Variants in MAGI2 observed in about 807,000 individuals in gnomAD.
MAGI2 encodes the protein membrane associated guanylate kinase, WW and PDZ domain containing 2, also known as membrane-associated guanylate kinase, WW and PDZ domain-containing protein 2.
A neutral mutation model predicts 133.3 loss-of-function variants in MAGI2; 35 were observed. The ratio of observed to expected loss-of-function variants is 0.26; its 90% CI spans 0.20 to 0.35. The LOEUF (loss-of-function observed/expected upper bound fraction) is 0.35. MAGI2 is among the 10% of genes least tolerant of loss of function. The pLI is 1.00. For missense variants in MAGI2, 1,636 were observed against 1,863.4 expected (o/e 0.88, Z 2.25); for synonymous variants, 729 against 710.6 (o/e 1.03, Z -0.41).
intron 1 of MAGI2, among the ~76,000 whole-genome samples, chr7:79,047,409 G>A (rs961444293): frequency 1.3e-5 from 2 of 152,018 alleles, no homozygotes; most frequent in Non-Finnish European, 2.9e-5. Context: ...GTAACAGTAT[G>A]GACAAGTACA....
chr7:78,992,849 G>A (rs1345040621), intron 2 of MAGI2, among the ~76,000 whole-genome samples: 1 of 151,978 alleles, frequency 6.6e-6, no homozygotes, highest in Admixed American at 6.6e-5. Context: ...AGTGATGAAA[G>A]CATTTTACTT....
intron 3 of MAGI2, among the ~76,000 whole-genome samples, chr7:78,540,467 G>A (rs911950967): frequency 3.3e-5 from 5 of 152,138 alleles, no homozygotes; most frequent in Non-Finnish European, 5.9e-5. Context: ...CCAGTCAGCC[G>A]GTGAGCAGGG....
intron 2 of MAGI2, among the ~76,000 whole-genome samples, chr7:78,871,821 C>T (rs1042711407): frequency 2.0e-5 from 3 of 151,248 alleles, no homozygotes; most frequent in African/African-American, 7.3e-5. Flanking sequence ...TATACCTTTC[C>T]ATTTAAAAAA....
chr7:78,377,707 T>A (rs1794576943), intron 6 of MAGI2, among the ~76,000 whole-genome samples: 1 of 151,662 alleles, frequency 6.6e-6, no homozygotes, highest in South Asian at 2.1e-4. Context: ...AATCTGTACT[T>A]CATGAAAGCA....
At chr7:78,069,570 G>C (rs1048662947) in intron 21 of MAGI2, among the ~76,000 whole-genome samples, 19 of 146,000 alleles carry the variant, frequency 1.3e-4, no homozygotes, top group African/African-American at 4.2e-4. Context: ...GAGAGAGAGA[G>C]AGGCTTCTGA....
intron 21 of MAGI2, among the ~76,000 whole-genome samples, chr7:78,022,524 TC>T (rs1400655397): frequency 1.3e-5 from 2 of 152,370 alleles, no homozygotes; most frequent in African/African-American, 4.8e-5. Context: ...AATTTGGGTT[TC>T]TTTACTCTTT....
intron 21 of MAGI2, among the ~76,000 whole-genome samples, chr7:78,069,539 G>GGAGAGAGAGAGAGAGAGAGAGAGGGA (rs1814246845): frequency 7.4e-6 from 1 of 134,644 alleles, no homozygotes; most frequent in Non-Finnish European, 1.6e-5. Context: ...GAAAGAGAGA[G>GGAGAGAGAGAGAGAGAGAGAGAGGGA]GAGAGAGAGA....
intron 1 of MAGI2, among the ~76,000 whole-genome samples, chr7:79,086,073 T>A (rs1397487362): frequency 2.0e-5 from 3 of 151,872 alleles, no homozygotes; most frequent in South Asian, 4.1e-4. Context: ...AATATCACAT[T>A]CCAAAGTTTT....
chr7:78,246,062 A>G lies in MAGI2; in HGVS notation c.2047+9881T>C, dbSNP rs1791749282. ...GGCCAAGCTGCTGTAGAGCTGCTCT[A>G]TCTACCCCTCCCAGTGGTTGCTGCA... On this transcript the variant is annotated intron_variant, in intron 10 of 21. Coordinates refer to ENST00000354212, the MANE Select transcript of MAGI2 (RefSeq NM_012301.4). Among the ~76,000 whole-genome samples the G allele has an allele frequency of 2.6e-5, 4 of 152,102 alleles. No homozygotes were observed. In the South Asian group the frequency reaches 8.3e-4, roughly 31 times the overall value.
chr7:78,749,802 C>G (rs1823279669), intron 2 of MAGI2, among the ~76,000 whole-genome samples: 1 of 152,074 alleles, frequency 6.6e-6, no homozygotes, highest in Non-Finnish European at 1.5e-5. Flanking sequence ...AGGAAGGAGG[C>G]AGGGAGAACT....
At chr7:79,273,281 C>T (rs183944480) in intron 1 of MAGI2, among the ~76,000 whole-genome samples, 1 of 151,994 alleles carries the variant, frequency 6.6e-6, no homozygotes, top group African/African-American at 2.4e-5. Context: ...TTCAAAGACA[C>T]TTAGCCAATT....
chr7:78,240,084 T>C (rs1031301845), intron 10 of MAGI2, among the ~76,000 whole-genome samples: 7 of 152,162 alleles, frequency 4.6e-5, no homozygotes, highest in Non-Finnish European at 1.0e-4. Flanking sequence ...GCTGCACCCA[T>C]CAACTCGTCA....
In MAGI2 at chr7:79,154,668, G is replaced by A. The variant is rs556499923; in HGVS notation, c.302-147462C>T. Among the ~76,000 whole-genome samples, 7 of 152,240 alleles carry A rather than the reference G, an allele frequency of 4.6e-5. No homozygotes were observed. The South Asian group carries it at 1.0e-3, about 23-fold the overall frequency. ...GCTGGCAATAACATTACCTCAAGCA[G>A]GAAGGAACCTGGAGACAGACTACAA... On this transcript the variant is annotated intron_variant, in intron 1 of 21. Coordinates refer to ENST00000354212, the MANE Select transcript of MAGI2 (RefSeq NM_012301.4).
intron 2 of MAGI2, among the ~76,000 whole-genome samples, chr7:78,957,480 T>C (rs1802486260): frequency 6.6e-6 from 1 of 152,052 alleles, no homozygotes; most frequent in African/African-American, 2.4e-5. Context: ...CTGATAAATT[T>C]ACTATATGTA....
chr7:78,282,253 G>T (rs1436863151), intron 9 of MAGI2, among the ~76,000 whole-genome samples: 1 of 152,030 alleles, frequency 6.6e-6, no homozygotes, highest in Non-Finnish European at 1.5e-5. Flanking sequence ...CCCTGTCCTG[G>T]TTCTTCTACC....
chr7:78,558,216 T>C (rs2150728897), intron 3 of MAGI2, among the ~76,000 whole-genome samples: 1 of 152,282 alleles, frequency 6.6e-6, no homozygotes, highest in Admixed American at 6.5e-5. Flanking sequence ...TGTATTCCCA[T>C]TTAAGGTGAA....
At chr7:79,176,437 A>G (rs1826104047) in intron 1 of MAGI2, among the ~76,000 whole-genome samples, 1 of 152,008 alleles carries the variant, frequency 6.6e-6, no homozygotes, top group Non-Finnish European at 1.5e-5. Context: ...CTTCTTTTTC[A>G]CAATGGCATA....
At chr7:78,472,232 A>G (rs577104524) in intron 6 of MAGI2, among the ~76,000 whole-genome samples, 1 of 152,222 alleles carries the variant, frequency 6.6e-6, no homozygotes, top group South Asian at 2.1e-4. Flanking sequence ...TCCAATCTGT[A>G]TTAATGTCTT....
At chr7:78,718,474 G>T (rs571449135) in intron 2 of MAGI2, among the ~76,000 whole-genome samples, 1 of 152,142 alleles carries the variant, frequency 6.6e-6, no homozygotes, top group Admixed American at 6.5e-5. Context: ...CCTGAACTCT[G>T]CCTGTCAGAT....
Sources: gnomAD v4.1 joint callset for allele counts (sites outside exome capture counted in the v4.1 genomes callset) on GRCh38, gnomAD v4.1.1 for gene constraint, MANE v1.5 for transcripts, NCBI Gene and HGNC (gene_info 2026-07-23, HGNC 2026-07-21) for gene names.